The following BTBD9 variants were observed in gnomAD, a reference collection of about 807,000 sequenced individuals.
The protein encoded by BTBD9 is BTB domain containing 9.
In BTBD9, 49 loss-of-function variants were observed where a neutral mutation model predicts 64.3. The observed-to-expected ratio is 0.76, with a 90% confidence interval of 0.61 to 0.97. BTBD9 has a LOEUF of 0.97. BTBD9 is among the 50% of genes least tolerant of loss of function. BTBD9 has a pLI of 0.00. For missense variants in BTBD9, 598 were observed against 762.1 expected, an observed-to-expected ratio of 0.78 and a Z score of 2.53; for synonymous variants, 260 against 274.7, an observed-to-expected ratio of 0.95 and a Z score of 0.53.
Position 38,327,347 on chromosome 6 carries a change from C to T in BTBD9, c.1264+17637G>A, listed in dbSNP as rs1200295602. ...TATGCAAAACGGTGACAAGCCCAAG[C>T]CCTGTTATATCGGATTATGAAGCAG... On this transcript the variant is annotated intron_variant, in intron 7 of 10. Transcript: ENST00000481247. Among the ~76,000 whole-genome samples, 3 of 152,094 alleles carry T rather than the reference C, an allele frequency of 2.0e-5. No homozygotes were observed. The East Asian group carries it at 5.8e-4, about 29-fold the overall frequency.
chr6:38,271,471 G>A (rs1325999748), intron 8 of BTBD9, among the ~76,000 whole-genome samples: 1 of 152,104 alleles, frequency 6.6e-6, no homozygotes, highest in African/African-American at 2.4e-5. Flanking sequence ...TTACCTGTAT[G>A]GGCCAGAAAT....
chr6:38,596,926 T>C (rs891215320), intron 2 of BTBD9, among the ~76,000 whole-genome samples: 1 of 151,872 alleles, frequency 6.6e-6, no homozygotes, highest in Non-Finnish European at 1.5e-5. Context: ...TAACAAATAA[T>C]GGCTAGACCA....
intron 8 of BTBD9, among the ~76,000 whole-genome samples, chr6:38,284,208 T>C (rs1761630072): frequency 6.6e-6 from 1 of 152,096 alleles, no homozygotes; most frequent in Non-Finnish European, 1.5e-5. Flanking sequence ...AAAAGCGGGC[T>C]TAAGGAAGTT....
At position 38,328,729 on chromosome 6, in the gene BTBD9, C is replaced by T. The variant is rs151105967; in HGVS notation, c.1264+16255G>A. ...TTGGGAGGCCGAGGTGGGTGGATCC[C>T]GAGGTCACGAGATCGAGAACATCCT... On this transcript the variant is annotated intron_variant, in intron 7 of 10. Coordinates refer to ENST00000481247, the MANE Select transcript of BTBD9 (RefSeq NM_001099272.2). Among the ~76,000 whole-genome samples, 151 of 151,822 alleles carry T rather than the reference C, an allele frequency of 9.9e-4. 1 individual carries two copies. The highest frequency in any genetic ancestry group is 1.0e-3 in the Non-Finnish European group (68 of 67,924).
chr6:38,572,403 T>C (rs765749212), intron 6 of BTBD9, among the ~76,000 whole-genome samples: 17 of 152,128 alleles, frequency 1.1e-4, no homozygotes, highest in Non-Finnish European at 2.1e-4. Flanking sequence ...TAGTGAGATG[T>C]TTATCATCAC....
At chr6:38,374,632 G>A (rs1765610900) in intron 6 of BTBD9, among the ~76,000 whole-genome samples, 1 of 151,608 alleles carries the variant, frequency 6.6e-6, no homozygotes, top group Admixed American at 6.6e-5. Flanking sequence ...CAAATTATTT[G>A]GGGAAAAAAA....
At chr6:38,561,941 TAGAG>T (rs779861867) in intron 6 of BTBD9, among the ~76,000 whole-genome samples, 71 of 151,914 alleles carry the variant, frequency 4.7e-4, no homozygotes, top group Non-Finnish European at 6.6e-4. Context: ...AAGTTGAAAT[TAGAG>T]AGAGAGAAAG....
intron 6 of BTBD9, among the ~76,000 whole-genome samples, chr6:38,411,287 G>A (rs1767414813): frequency 6.6e-6 from 1 of 152,126 alleles, no homozygotes; most frequent in Non-Finnish European, 1.5e-5. Flanking sequence ...AAGAAGAGCA[G>A]ATATTAAAAC....
chr6:38,629,160 G>C (rs536828226), intron 1 of BTBD9, among the ~76,000 whole-genome samples: 6 of 152,174 alleles, frequency 3.9e-5, no homozygotes, highest in African/African-American at 1.4e-4. Context: ...AATGTAAAAG[G>C]AGTGATGGAA....
chr6:38,510,841 C>T (rs995422725), intron 6 of BTBD9, among the ~76,000 whole-genome samples: 5 of 152,282 alleles, frequency 3.3e-5, no homozygotes, highest in East Asian at 3.9e-4. Flanking sequence ...GGGGCAGAAA[C>T]GTGCATGGAG....
chr6:38,258,470 G>C (rs1350077175), intron 8 of BTBD9, among the ~76,000 whole-genome samples: 2 of 152,198 alleles, frequency 1.3e-5, no homozygotes, highest in African/African-American at 4.8e-5. Flanking sequence ...CTACCAGCTG[G>C]CATAGATAGT....
intron 6 of BTBD9, among the ~76,000 whole-genome samples, chr6:38,350,932 G>A (rs1473308371): frequency 1.3e-5 from 2 of 152,190 alleles, no homozygotes; most frequent in Non-Finnish European, 2.9e-5. Flanking sequence ...CAAGAAGCAC[G>A]TAATGCCTGT....
intron 6 of BTBD9, among the ~76,000 whole-genome samples, chr6:38,483,082 C>T (rs1297970138): frequency 1.3e-5 from 2 of 152,064 alleles, no homozygotes; most frequent in Non-Finnish European, 2.9e-5. Context: ...CCAGTCCACA[C>T]ACACACATAC....
chr6:38,511,388 G>A (rs566678797), intron 6 of BTBD9, among the ~76,000 whole-genome samples: 2 of 146,228 alleles, frequency 1.4e-5, no homozygotes, highest in Non-Finnish European at 3.0e-5. Context: ...TGTCACCCAG[G>A]CTGGAGTGCA....
intron 9 of BTBD9, among the ~76,000 whole-genome samples, chr6:38,214,118 T>C (rs531531268): frequency 2.6e-5 from 4 of 152,228 alleles, no homozygotes; most frequent in Non-Finnish European, 5.9e-5. Flanking sequence ...CGGGTCTGTC[T>C]GTGTTGGCCT....
intron 6 of BTBD9, among the ~76,000 whole-genome samples, chr6:38,485,525 T>C (rs1771355675): frequency 6.6e-6 from 1 of 151,832 alleles, no homozygotes; most frequent in South Asian, 2.1e-4. Flanking sequence ...TTCATCTCCT[T>C]GTACAGCTCC....
intron 9 of BTBD9, among the ~76,000 whole-genome samples, chr6:38,223,538 A>G (rs557982397): frequency 3.3e-5 from 5 of 152,168 alleles, no homozygotes; most frequent in African/African-American, 1.2e-4. Context: ...AGGTCTCCCT[A>G]TGTTGTCCAG....
chr6:38,399,821 A>G (rs935989199), intron 6 of BTBD9, among the ~76,000 whole-genome samples: 10 of 152,000 alleles, frequency 6.6e-5, no homozygotes, highest in African/African-American at 2.4e-4. Flanking sequence ...GCGCAGTCTC[A>G]GCTCACCACA....
intron 1 of BTBD9, among the ~76,000 whole-genome samples, chr6:38,629,521 A>C (rs1459378658): frequency 6.6e-6 from 1 of 152,234 alleles, no homozygotes; most frequent in Non-Finnish European, 1.5e-5. Context: ...AGTGAGAGAC[A>C]TACTATTAAA....
Sources: gnomAD v4.1 joint callset for allele counts (sites outside exome capture counted in the v4.1 genomes callset) on GRCh38, gnomAD v4.1.1 for gene constraint, MANE v1.5 for transcripts, NCBI Gene and HGNC (gene_info 2026-07-23, HGNC 2026-07-21) for gene names.